ARHGEF26: variants seen among roughly 807,000 people sequenced by gnomAD.
ARHGEF26 encodes the protein Rho guanine nucleotide exchange factor 26, also known as Rho guanine nucleotide exchange factor (GEF) 26.
Under a neutral mutation model 89.4 loss-of-function variants are expected in ARHGEF26, and 59 were observed. That is an observed-to-expected ratio of 0.66 (90% CI 0.54 to 0.82). The LOEUF (loss-of-function observed/expected upper bound fraction) is 0.82, where lower values mean the gene tolerates loss of function less well. Among genes scored for constraint, ARHGEF26 ranks in the 40% least tolerant of loss-of-function variants. ARHGEF26 has a pLI of 0.00. For synonymous variants in ARHGEF26, 500 were observed against 428.4 expected, an observed-to-expected ratio of 1.17 and a Z score of -2.06; for missense variants, 1,234 against 1,085.6, an observed-to-expected ratio of 1.14 and a Z score of -1.92.
At chr3:154,243,977 G>A (rs1717638464) in intron 12 of ARHGEF26, among the ~76,000 whole-genome samples, 1 of 152,146 alleles carries the variant, frequency 6.6e-6, no homozygotes, top group Non-Finnish European at 1.5e-5. Flanking sequence ...CATAGAATGT[G>A]TTATTTTCTT....
At chr3:154,202,528 G>A (rs188840977) in intron 9 of ARHGEF26, among the ~76,000 whole-genome samples, 52 of 152,116 alleles carry the variant, frequency 3.4e-4, no homozygotes, top group African/African-American at 1.1e-3. Context: ...GTTTTTTCCA[G>A]TTCTGTGAAG....
At chr3:154,130,442 T>G (rs1718618435) in intron 4 of ARHGEF26, among the ~76,000 whole-genome samples, 1 of 152,148 alleles carries the variant, frequency 6.6e-6, no homozygotes, top group Non-Finnish European at 1.5e-5. Context: ...CATCTAGCCC[T>G]TCCTTGGAAA....
intron 13 of ARHGEF26, 51 bp downstream of exon 13, chr3:154,253,234 C>G: frequency 6.3e-7 from 1 of 1,597,610 alleles, no homozygotes; most frequent in Non-Finnish European, 8.6e-7. Flanking sequence ...GGGCTCTGCC[C>G]CCTGCTGGAC....
At chr3:154,124,566 C>A in intron 3 of ARHGEF26, 117 bp downstream of exon 3, 1 of 933,616 alleles carries the variant, frequency 1.1e-6, no homozygotes, top group Non-Finnish European at 1.6e-6. Context: ...CCAACTTCTT[C>A]TCAAATTATA....
chr3:154,247,350 G>A (rs1212457343), intron 12 of ARHGEF26, among the ~76,000 whole-genome samples: 12 of 152,118 alleles, frequency 7.9e-5, no homozygotes, highest in Non-Finnish European at 1.5e-5. Context: ...TTCTGTGTCA[G>A]AACAGATCCA....
At chr3:154,213,216 A>AGT (rs536410427) in intron 9 of ARHGEF26, among the ~76,000 whole-genome samples, 239 of 142,020 alleles carry the variant, frequency 1.7e-3, no homozygotes, top group African/African-American at 3.4e-3. Flanking sequence ...AGAGAGAGAG[A>AGT]GTGTGTGTGT....
intron 12 of ARHGEF26, among the ~76,000 whole-genome samples, chr3:154,245,324 C>T (rs906795617): frequency 5.9e-5 from 9 of 152,244 alleles, no homozygotes; most frequent in African/African-American, 2.2e-4. Context: ...CCATTGTGCC[C>T]GGCCTCAATC....
At chr3:154,145,616 A>G (rs1185380714) in intron 4 of ARHGEF26, among the ~76,000 whole-genome samples, 3 of 152,156 alleles carry the variant, frequency 2.0e-5, no homozygotes, top group Non-Finnish European at 4.4e-5. Context: ...GTGGTGGGCA[A>G]AAATAGAAGG....
At chr3:154,231,866 T>C (rs1396509642) in intron 11 of ARHGEF26, among the ~76,000 whole-genome samples, 1 of 151,316 alleles carries the variant, frequency 6.6e-6, no homozygotes, top group East Asian at 1.9e-4. Flanking sequence ...CTTTATAAAT[T>C]GGTGTAAATC....
chr3:154,137,924 A>T (rs747687728), intron 4 of ARHGEF26, among the ~76,000 whole-genome samples: 16 of 152,128 alleles, frequency 1.1e-4, no homozygotes, highest in Admixed American at 9.8e-4. Flanking sequence ...TTCTCCATAG[A>T]TAATGCTGCT....
intron 6 of ARHGEF26, among the ~76,000 whole-genome samples, chr3:154,163,284 C>T (rs1026525961): frequency 6.6e-5 from 10 of 152,086 alleles, no homozygotes; most frequent in African/African-American, 2.4e-4. Context: ...GTCACAGCCC[C>T]CAAAACCTAT....
Position 154,217,971 on chromosome 3 carries a change from C to T in ARHGEF26, c.1935+13C>T. 2 of 1,560,548 alleles carry T rather than the reference C, an allele frequency of 1.3e-6. No homozygotes were observed. Among genetic ancestry groups the T allele is most frequent in the South Asian group, 1.2e-5 (1 of 84,972 alleles). ...ATTTAAAATTAAGGTATTCTCGTAC[C>T]TTGTTCATTACTGTTCTTGCCTATG... is the stretch of plus-strand genomic sequence containing the variant. On this transcript the variant is annotated intron_variant, in intron 10 of 14. Transcript: ENST00000465093.
intron 12 of ARHGEF26, among the ~76,000 whole-genome samples, chr3:154,249,132 T>A (rs1468660586): frequency 6.6e-6 from 1 of 152,176 alleles, no homozygotes; most frequent in Non-Finnish European, 1.5e-5. Flanking sequence ...CTAAGGGCTA[T>A]TTTTTTCTAT....
At chr3:154,163,940 T>A (rs1277387297) in intron 6 of ARHGEF26, among the ~76,000 whole-genome samples, 3 of 152,074 alleles carry the variant, frequency 2.0e-5, no homozygotes, top group Non-Finnish European at 2.9e-5. Context: ...TTTCCTCAGA[T>A]TAAAAAAATA....
chr3:154,240,682 T>C, intron 12 of ARHGEF26, 103 bp downstream of exon 12: 4 of 1,075,350 alleles, frequency 3.7e-6, no homozygotes, highest in Non-Finnish European at 4.0e-6. Context: ...CTATTCATGT[T>C]TTTGTTGAGC....
chr3:154,188,786 G>C (rs1485808260), intron 7 of ARHGEF26, among the ~76,000 whole-genome samples: 2 of 152,142 alleles, frequency 1.3e-5, no homozygotes, highest in Non-Finnish European at 2.9e-5. Context: ...GATGAGAAGG[G>C]CTGATGATGG....
In ARHGEF26 at chr3:154,240,463, G is replaced by A; in HGVS notation, c.2184G>A (p.Lys728=). ...DNEELNSSPG[K]NSSTMLYSRQ... ...AAGAGCTTAATTCTTCTCCAGGGAA[G>A]AACAGCTCCACAATGCTCTATTCAA... Residue 728 remains lysine (K), a synonymous_variant, in exon 12 of 15, where the codon AAG becomes AAA. Transcript: ENST00000465093. 1 of 1,613,452 alleles carries A rather than the reference G, an allele frequency of 6.2e-7. No homozygotes were observed. The highest frequency in any genetic ancestry group is 8.5e-7 in the Non-Finnish European group (1 of 1,179,584).
In ARHGEF26 at chr3:154,255,693, C is replaced by T; in HGVS notation, c.*220C>T. ...TTTTACCTAACCACACACTTGCAGA[C>T]CTCCTGAGGTACACAGAATAGCTGA... On this transcript the variant is annotated 3_prime_UTR_variant, in exon 15 of 15. Transcript: ENST00000465093. The T allele has an allele frequency of 1.5e-6, 2 of 1,364,434 alleles. No homozygotes were observed. The highest frequency in any genetic ancestry group is 1.9e-6 in the Non-Finnish European group (2 of 1,064,546). 84.5% of individuals were successfully genotyped at this position (1,364,434 alleles called of 1,614,324 possible).
chr3:154,237,844 G>A (rs1157413772), intron 11 of ARHGEF26, among the ~76,000 whole-genome samples: 1 of 152,146 alleles, frequency 6.6e-6, no homozygotes, highest in African/African-American at 2.4e-5. Flanking sequence ...AAGCAGAATT[G>A]TTTTTAAACA....
Sources: gnomAD v4.1 joint callset for allele counts (sites outside exome capture counted in the v4.1 genomes callset) on GRCh38, gnomAD v4.1.1 for gene constraint, MANE v1.5 for transcripts, NCBI Gene and HGNC (gene_info 2026-07-23, HGNC 2026-07-21) for gene names.